RGS7: variants seen among roughly 807,000 people sequenced by gnomAD.
RGS7 encodes regulator of G-protein signaling 7.
A neutral mutation model predicts 81.1 loss-of-function variants in RGS7; 27 were observed. That is an observed-to-expected ratio of 0.33 (90% CI 0.25 to 0.46). RGS7 has a LOEUF of 0.46. Among genes scored for constraint, RGS7 ranks in the 20% least tolerant of loss-of-function variants. The pLI is 1.00. For missense variants in RGS7, 396 were observed against 607.4 expected (o/e 0.65, Z 3.66); for synonymous variants, 208 against 207.7 (o/e 1.00, Z -0.01).
At chr1:241,079,223 A>G (rs1025412845) in intron 3 of RGS7, among the ~76,000 whole-genome samples, 1 of 148,210 alleles carries the variant, frequency 6.7e-6, no homozygotes, top group African/African-American at 2.5e-5. Flanking sequence ...CAGCCAATGA[A>G]TCGGAAAGTG....
intron 2 of RGS7, among the ~76,000 whole-genome samples, chr1:241,258,655 T>TA (rs574672037): frequency 1.2e-4 from 19 of 152,204 alleles, no homozygotes; most frequent in Admixed American, 7.9e-4. Context: ...TCAGACCACT[T>TA]AGAGTCCTAA....
At chr1:241,234,682 A>T (rs1384631870) in intron 2 of RGS7, among the ~76,000 whole-genome samples, 1 of 151,958 alleles carries the variant, frequency 6.6e-6, no homozygotes, top group East Asian at 1.9e-4. Flanking sequence ...AAGACACACA[A>T]TTCTCCCTGC....
intron 2 of RGS7, among the ~76,000 whole-genome samples, chr1:241,238,612 G>A (rs1225608433): frequency 3.9e-5 from 6 of 151,942 alleles, no homozygotes; most frequent in South Asian, 2.1e-4. Context: ...ATAGCTCACC[G>A]TAGCCTCGAA....
chr1:241,313,779 A>G (rs918834420), intron 2 of RGS7, among the ~76,000 whole-genome samples: 11 of 152,222 alleles, frequency 7.2e-5, no homozygotes, highest in African/African-American at 2.2e-4. Flanking sequence ...AGATGTCATT[A>G]AGAACTTTCA....
At chr1:241,182,768 C>T (rs779905136) in intron 2 of RGS7, among the ~76,000 whole-genome samples, 2 of 151,614 alleles carry the variant, frequency 1.3e-5, no homozygotes, top group African/African-American at 2.4e-5. Flanking sequence ...CCTGCCTCAG[C>T]CTCCCGAGTA....
chr1:241,201,404 C>T (rs1159459973), intron 2 of RGS7, among the ~76,000 whole-genome samples: 4 of 152,152 alleles, frequency 2.6e-5, no homozygotes, highest in Admixed American at 6.5e-5. Flanking sequence ...CCTAAAAGGA[C>T]GGTTCCTTTC....
At chr1:240,951,694 A>G (rs1274507844) in intron 4 of RGS7, among the ~76,000 whole-genome samples, 1 of 152,196 alleles carries the variant, frequency 6.6e-6, no homozygotes, top group East Asian at 1.9e-4. Context: ...ACATAATTGG[A>G]ATACCAGGAG....
At chr1:240,922,451 A>C (rs537323922) in intron 6 of RGS7, among the ~76,000 whole-genome samples, 11 of 152,110 alleles carry the variant, frequency 7.2e-5, no homozygotes, top group African/African-American at 1.4e-4. Flanking sequence ...AGACTGGGGG[A>C]AAATCTTTGC....
chr1:241,303,735 T>C (rs1487050013), intron 2 of RGS7, among the ~76,000 whole-genome samples: 1 of 152,250 alleles, frequency 6.6e-6, no homozygotes, highest in Non-Finnish European at 1.5e-5. Context: ...TTTATTGTTG[T>C]TAAGGGAACT....
intron 2 of RGS7, among the ~76,000 whole-genome samples, chr1:241,169,766 A>T (rs1383543925): frequency 6.6e-6 from 1 of 152,210 alleles, no homozygotes. Flanking sequence ...TATTAAACAG[A>T]AGAAATTCAA....
chr1:241,258,006 T>A (rs898641089), intron 2 of RGS7, among the ~76,000 whole-genome samples: 9 of 152,168 alleles, frequency 5.9e-5, no homozygotes, highest in African/African-American at 2.2e-4. Flanking sequence ...ACACTATGAA[T>A]TCCAACCTCC....
At chr1:241,313,702 G>C (rs1192716140) in intron 2 of RGS7, among the ~76,000 whole-genome samples, 1 of 152,154 alleles carries the variant, frequency 6.6e-6, no homozygotes, top group African/African-American at 2.4e-5. Context: ...TATCCATGTA[G>C]ATAGTGATTT....
chr1:241,207,984 C>T (rs2074020001), intron 2 of RGS7, among the ~76,000 whole-genome samples: 1 of 152,142 alleles, frequency 6.6e-6, no homozygotes, highest in Admixed American at 6.5e-5. Flanking sequence ...CCGCTCACTG[C>T]AACCTCTGCT....
chr1:241,337,280 C>T (rs1465271224), intron 2 of RGS7, among the ~76,000 whole-genome samples: 1 of 152,130 alleles, frequency 6.6e-6, no homozygotes, highest in African/African-American at 2.4e-5. Context: ...TTCAAACATA[C>T]TCATTTTGTT....
intron 2 of RGS7, among the ~76,000 whole-genome samples, chr1:241,227,043 T>G (rs1384801201): frequency 6.6e-6 from 1 of 152,210 alleles, no homozygotes. Flanking sequence ...GCAGCAATAA[T>G]TATGAACTGA....
intron 6 of RGS7, among the ~76,000 whole-genome samples, chr1:240,911,655 T>C (rs904438234): frequency 6.6e-6 from 1 of 152,146 alleles, no homozygotes; most frequent in Non-Finnish European, 1.5e-5. Flanking sequence ...AACAACGGTA[T>C]GGAAATCCAA....
At chr1:241,242,021 G>A (rs541575520) in intron 2 of RGS7, among the ~76,000 whole-genome samples, 1 of 151,506 alleles carries the variant, frequency 6.6e-6, no homozygotes, top group East Asian at 1.9e-4. Context: ...GTTCTTTAGT[G>A]GTGATTCATG....
chr1:241,140,288 T>A (rs1470138313), intron 2 of RGS7, among the ~76,000 whole-genome samples: 2 of 152,182 alleles, frequency 1.3e-5, no homozygotes, highest in African/African-American at 4.8e-5. Context: ...ACTTGAAAGC[T>A]CCTACCAGGA....
At chr1:240,978,828 T>G (rs1229864178) in intron 4 of RGS7, among the ~76,000 whole-genome samples, 1 of 152,206 alleles carries the variant, frequency 6.6e-6, no homozygotes, top group Non-Finnish European at 1.5e-5. Flanking sequence ...TTACACTGTA[T>G]GTAATACTTA....
Sources: allele counts gnomAD v4.1 joint callset (sites outside exome capture counted in the v4.1 genomes callset), GRCh38; gene constraint gnomAD v4.1.1; transcripts MANE v1.5; gene names NCBI Gene and HGNC (gene_info 2026-07-23, HGNC 2026-07-21).